The following ZNF469 variants were observed in gnomAD, a reference collection of about 807,000 sequenced individuals.
ZNF469 encodes the protein zinc finger protein 469.
A neutral mutation model predicts 1.0 loss-of-function variants in ZNF469; 1 was observed. The ratio of observed to expected loss-of-function variants is 1.00; its 90% CI spans 0.35 to 4.73. The LOEUF is 4.73. ZNF469 is among the 30% of genes most tolerant of loss of function. ZNF469 has a pLI of 0.16. For missense variants in ZNF469, 6,100 were observed against 5,356.3 expected, an observed-to-expected ratio of 1.14 and a Z score of -4.33; for synonymous variants, 2,703 against 2,363.4, an observed-to-expected ratio of 1.14 and a Z score of -4.17.
At chr16:88,198,343 A>C in the ZNF469 span, among the ~76,000 whole-genome samples, 122 of 152,290 alleles carry the variant, frequency 8.0e-4, 1 homozygote, top group African/African-American at 2.7e-3. Flanking sequence ...GGGACGTGGG[A>C]AGCCCGGCAG....
At chr16:88,163,493 GATGA>G in the ZNF469 span, among the ~76,000 whole-genome samples, 22 of 96,872 alleles carry the variant, frequency 2.3e-4, no homozygotes, top group South Asian at 7.4e-4. Context: ...GAGAAGGATG[GATGA>G]ATGGATGGAT....
intron 1 of ZNF469, among the ~76,000 whole-genome samples, chr16:88,404,944 A>G (rs528008418): frequency 6.0e-4 from 91 of 152,344 alleles, no homozygotes; most frequent in Non-Finnish European, 1.0e-3. Flanking sequence ...CTATTGGCTC[A>G]CATAACCAGG....
the ZNF469 span, among the ~76,000 whole-genome samples, chr16:88,309,524 G>T: frequency 6.1e-5 from 7 of 115,540 alleles, no homozygotes; most frequent in African/African-American, 2.5e-4. Flanking sequence ...CTGAGGTCCC[G>T]TCTCGGTGTT....
At chr16:88,125,058 G>C in the ZNF469 span, among the ~76,000 whole-genome samples, 1 of 152,070 alleles carries the variant, frequency 6.6e-6, no homozygotes, top group Non-Finnish European at 1.5e-5. Context: ...AAGATACTTT[G>C]TGTGTGCTGT....
At chr16:88,126,960 C>T in the ZNF469 span, among the ~76,000 whole-genome samples, 1 of 152,150 alleles carries the variant, frequency 6.6e-6, no homozygotes, top group Non-Finnish European at 1.5e-5. Flanking sequence ...GCTGGGATTA[C>T]AGTCACACGC....
chr16:88,319,483 G>A, the ZNF469 span, among the ~76,000 whole-genome samples: 2 of 151,812 alleles, frequency 1.3e-5, no homozygotes, highest in African/African-American at 2.4e-5. Flanking sequence ...CTCCTGAACA[G>A]AGTGAGCACA....
chr16:88,213,356 C>G, the ZNF469 span, among the ~76,000 whole-genome samples: 1 of 152,192 alleles, frequency 6.6e-6, no homozygotes, highest in South Asian at 2.1e-4. Context: ...GCCTCGGCCT[C>G]CCAAAGTGCT....
At chr16:88,247,560 CTG>C in the ZNF469 span, among the ~76,000 whole-genome samples, 2,687 of 75,316 alleles carry the variant, frequency 0.036, 72 homozygotes, top group African/African-American at 0.082. Context: ...GAATGAGTGA[CTG>C]AGTGAGTGAC....
At chr16:88,105,801 G>T in the ZNF469 span, among the ~76,000 whole-genome samples, 2 of 152,246 alleles carry the variant, frequency 1.3e-5, no homozygotes, top group African/African-American at 4.8e-5. Context: ...ATAACGGCAC[G>T]TGTGCTACGT....
At chr16:88,265,007 T>C in the ZNF469 span, among the ~76,000 whole-genome samples, 8 of 151,842 alleles carry the variant, frequency 5.3e-5, no homozygotes, top group African/African-American at 1.9e-4. Flanking sequence ...TCTTCGAGGA[T>C]TTCCTCTGGC....
chr16:88,274,110 T>C, the ZNF469 span, among the ~76,000 whole-genome samples: 8 of 152,296 alleles, frequency 5.3e-5, no homozygotes, highest in East Asian at 1.5e-3. Context: ...GCCAGAATAT[T>C]TTTTATTCAG....
Position 88,434,740 on chromosome 16 carries a change from C to G in ZNF469, c.7270C>G (p.Gln2424Glu), listed in dbSNP as rs775161092. Residue 2424 changes from glutamine (Q) to glutamate (E), a missense_variant, in exon 3 of 3, where the codon CAA (glutamine) becomes GAA (glutamate). Gln to Glu is a conservative substitution (Grantham distance 29). Transcript: ENST00000565624. ...CAGTGACTTCCAGTCTGACTCCCCC[C>G]AAAGCCACAGAAATGCCTCCCACCA... Reference protein sequence around the residue: ...TASDFQSDSPQSHRNASHQTP... With the variant: ...TASDFQSDSPESHRNASHQTP... The G allele has an allele frequency of 9.0e-6, 14 of 1,550,298 alleles. No homozygotes were observed. Among genetic ancestry groups the G allele is most frequent in the Non-Finnish European group, 1.1e-5 (13 of 1,146,988 alleles).
At chr16:88,306,557 TG>T in the ZNF469 span, among the ~76,000 whole-genome samples, 1 of 152,122 alleles carries the variant, frequency 6.6e-6, no homozygotes, top group South Asian at 2.1e-4. Flanking sequence ...TGGTGGGGTG[TG>T]GTCCACACAA....
chr16:88,417,085 G>A (rs968068332), intron 1 of ZNF469, among the ~76,000 whole-genome samples: 2 of 152,198 alleles, frequency 1.3e-5, no homozygotes, highest in African/African-American at 4.8e-5. Context: ...CCCTTTTCCA[G>A]AGCTGCTGCT....
the ZNF469 span, among the ~76,000 whole-genome samples, chr16:88,185,668 C>A: frequency 6.6e-6 from 1 of 151,304 alleles, no homozygotes; most frequent in African/African-American, 2.4e-5. Flanking sequence ...TGCACACACT[C>A]ATGTGCCCAG....
the ZNF469 span, among the ~76,000 whole-genome samples, chr16:88,199,191 A>G: frequency 0.04 from 6,023 of 152,288 alleles, 309 homozygotes; most frequent in East Asian, 0.18. Flanking sequence ...GGTCAAGGGC[A>G]TGGGCACCGC....
the ZNF469 span, among the ~76,000 whole-genome samples, chr16:88,262,412 C>T: frequency 6.6e-6 from 1 of 152,190 alleles, no homozygotes; most frequent in Non-Finnish European, 1.5e-5. The surrounding 1 kb of genome is among the most constrained non-coding windows in gnomAD (Gnocchi z 4.3). Context: ...GGCTTCCAAA[C>T]CAAGTGGCTG....
the ZNF469 span, among the ~76,000 whole-genome samples, chr16:88,309,449 GAC>G: frequency 6.6e-6 from 1 of 151,648 alleles, no homozygotes. Context: ...CAGGACACCT[GAC>G]GCGGGGAGTA....
chr16:88,150,147 A>T, the ZNF469 span, among the ~76,000 whole-genome samples: 1 of 152,098 alleles, frequency 6.6e-6, no homozygotes, highest in African/African-American at 2.4e-5. Context: ...GTCTCTACTT[A>T]AAAAATACAA....
Sources: gnomAD v4.1 joint callset for allele counts (sites outside exome capture counted in the v4.1 genomes callset) on GRCh38, gnomAD v4.1.1 for gene constraint, Gnocchi (gnomAD v3.1) non-coding constraint, MANE v1.5 for transcripts, NCBI Gene and HGNC (gene_info 2026-07-23, HGNC 2026-07-21) for gene names.